DCAF1: variants seen among roughly 807,000 people sequenced by gnomAD.
The protein encoded by DCAF1 is DDB1- and CUL4-associated factor 1.
In DCAF1, 15 loss-of-function variants were observed where a neutral mutation model predicts 128.0. The ratio of observed to expected loss-of-function variants is 0.12; its 90% CI spans 0.08 to 0.18. The LOEUF is 0.18. Ranked by LOEUF, DCAF1 falls within the 10% of genes least tolerant of loss-of-function variation. The pLI, the probability that DCAF1 is intolerant of heterozygous loss-of-function variation, is 1.00. For missense variants in DCAF1, 988 were observed against 1,649.5 expected (o/e 0.60, Z 6.95); for synonymous variants, 610 against 603.0 (o/e 1.01, Z -0.17).
chr3:51,503,623 C>G (rs1291371257), upstream of DCAF1, among the ~76,000 whole-genome samples: 2 of 152,098 alleles, frequency 1.3e-5, no homozygotes, highest in Non-Finnish European at 2.9e-5. Context: ...CAGGAGCCAC[C>G]AATTAGAGGC....
intron 2 of DCAF1, 72 bp from the exon 3 acceptor site, chr3:51,483,908 G>T: frequency 1.9e-6 from 2 of 1,065,900 alleles, no homozygotes; most frequent in Non-Finnish European, 2.9e-6. Context: ...TGAAGAAGGG[G>T]TAGAAAAGGA....
intron 9 of DCAF1, among the ~76,000 whole-genome samples, chr3:51,435,970 AC>A (rs1190524957): frequency 6.6e-6 from 1 of 152,234 alleles, no homozygotes; most frequent in Non-Finnish European, 1.5e-5. Context: ...TGTCAAGATC[AC>A]CGATGTGCAC....
At chr3:51,428,591 A>C (rs1553634714) in intron 12 of DCAF1, among the ~76,000 whole-genome samples, 3 of 152,176 alleles carry the variant, frequency 2.0e-5, no homozygotes, top group African/African-American at 7.2e-5. Context: ...GCTACTCGTC[A>C]TTATCCCAAA....
rs1553653979 is a variant in DCAF1, at chr3:51,483,720, T to C, written c.109A>G (p.Arg37Gly). ...AGGTTTTAAAAAAGTTATTCATACCTGGTAAGGATAGGTACCATGTCCTGC... is the reference window on the plus strand; with the variant it reads ...AGGTTTTAAAAAAGTTATTCATACCCGGTAAGGATAGGTACCATGTCCTGC... ...SGQDMVPILT[R>G]MSQLIEKETE... Residue 37 changes from arginine (R) to glycine (G), a missense_variant and splice_region_variant, in exon 3 of 25, where the codon AGG (arginine) becomes GGG (glycine). Arg to Gly is a moderately radical substitution (Grantham distance 125). Transcript: ENST00000684031. 6.2e-7 allele frequency: 1 copy of C among 1,612,588 alleles called. No homozygotes were observed. The highest frequency in any genetic ancestry group is 8.5e-7 in the Non-Finnish European group (1 of 1,178,920).
At chr3:51,495,775 C>G (rs1289959161) in intron 2 of DCAF1, among the ~76,000 whole-genome samples, 2 of 151,970 alleles carry the variant, frequency 1.3e-5, no homozygotes, top group Non-Finnish European at 2.9e-5. Flanking sequence ...CTTCAATGTT[C>G]GTTTTTTTGT....
At chr3:51,422,120 GT>G (rs1296869175) in intron 14 of DCAF1, among the ~76,000 whole-genome samples, 186 bp downstream of exon 14, 58 of 146,516 alleles carry the variant, frequency 4.0e-4, no homozygotes, top group Non-Finnish European at 2.0e-4. Flanking sequence ...TTGTTTTTTG[GT>G]TTTTTTTTTT....
intron 6 of DCAF1, among the ~76,000 whole-genome samples, chr3:51,459,223 A>C (rs1703269091): frequency 6.6e-6 from 1 of 152,204 alleles, no homozygotes; most frequent in Admixed American, 6.5e-5. Flanking sequence ...GATAAAGGGG[A>C]TATCACAACC....
chr3:51,459,206 A>G (rs1293699597), intron 6 of DCAF1, among the ~76,000 whole-genome samples: 1 of 152,212 alleles, frequency 6.6e-6, no homozygotes, highest in East Asian at 1.9e-4. Flanking sequence ...TAGACACAAT[A>G]AAAAATGATA....
chr3:51,459,220 G>A (rs1376665708), intron 6 of DCAF1, among the ~76,000 whole-genome samples: 1 of 151,998 alleles, frequency 6.6e-6, no homozygotes, highest in Non-Finnish European at 1.5e-5. Context: ...AATGATAAAG[G>A]GGATATCACA....
At chr3:51,412,848 C>T (rs1553628933) in intron 22 of DCAF1, 145 bp downstream of exon 22, 33 of 1,265,638 alleles carry the variant, frequency 2.6e-5, no homozygotes, top group Non-Finnish European at 3.2e-5. Context: ...CTCCCAAGCC[C>T]CATCAAATGA....
intron 18 of DCAF1, among the ~76,000 whole-genome samples, chr3:51,415,500 TA>T (rs1416583769): frequency 6.6e-6 from 1 of 151,992 alleles, no homozygotes; most frequent in Admixed American, 6.6e-5. Context: ...GTCTCAAAAA[TA>T]AATAAATAAA....
At chr3:51,485,543 G>A (rs1363548425) in intron 2 of DCAF1, among the ~76,000 whole-genome samples, 2 of 152,202 alleles carry the variant, frequency 1.3e-5, no homozygotes, top group Non-Finnish European at 2.9e-5. Flanking sequence ...CTTTATAAAA[G>A]TAGCCTTAAA....
At chr3:51,410,945 G>A (rs1698351031) in intron 23 of DCAF1, among the ~76,000 whole-genome samples, 1 of 152,042 alleles carries the variant, frequency 6.6e-6, no homozygotes. Context: ...ATCACCTGAG[G>A]TCAGGAGTTC....
chr3:51,408,709 C>G (rs1698128489), intron 23 of DCAF1, among the ~76,000 whole-genome samples: 1 of 152,124 alleles, frequency 6.6e-6, no homozygotes, highest in South Asian at 2.1e-4. Context: ...CAAAAGAGAC[C>G]TACTCAAATA....
At position 51,419,745 on chromosome 3, in the gene DCAF1, A is replaced by T; in HGVS notation, c.3225T>A (p.Leu1075=). The T allele has an allele frequency of 1.2e-6, 2 of 1,610,270 alleles. No individual in the cohort carries two copies. Among genetic ancestry groups the T allele is most frequent in the Non-Finnish European group, 1.7e-6 (2 of 1,177,582 alleles). ...GVDGGCFDRH[L]IFSRFRPISV... The stretch of plus-strand genomic sequence containing the variant: ...GGGCCTCTTCTTACCTGCTAAAGAT[A>T]AGGTGCCTATCAAAGCATCCGCCAT... Residue 1075 remains leucine, a synonymous_variant, in exon 15 of 25, where the codon CTT becomes CTA. Coordinates refer to ENST00000684031, the MANE Select transcript of DCAF1 (RefSeq NM_001387579.1).
chr3:51,446,385 G>A (rs1255409279), intron 6 of DCAF1, among the ~76,000 whole-genome samples: 3 of 152,180 alleles, frequency 2.0e-5, no homozygotes, highest in Non-Finnish European at 4.4e-5. Context: ...GACCAATGCA[G>A]GAGGATTACT....
chr3:51,422,230 A>G (rs1325779045), intron 14 of DCAF1, 77 bp downstream of exon 14: 2 of 705,844 alleles, frequency 2.8e-6, no homozygotes, highest in Admixed American at 4.1e-5. Flanking sequence ...TAGGTCAGGT[A>G]AGTAACCAAG....
chr3:51,502,775 C>T (rs1708850068), upstream of DCAF1, among the ~76,000 whole-genome samples: 1 of 151,906 alleles, frequency 6.6e-6, no homozygotes, highest in South Asian at 2.1e-4. Flanking sequence ...GCCAACACCT[C>T]CCCCTCCCCA....
Position 51,430,222 on chromosome 3 carries a change from A to T in DCAF1, c.1288-10T>A. 1 of 770,618 alleles carries T rather than the reference A, an allele frequency of 1.3e-6. No homozygotes were observed. Among genetic ancestry groups the T allele is most frequent in the Non-Finnish European group, 2.4e-6 (1 of 411,776 alleles). 47.7% of individuals were successfully genotyped at this position (770,618 alleles called of 1,614,324 possible). A position where few individuals can be genotyped will look rare whatever the true frequency, so the allele number is the denominator to read the frequency against. ...GGGGATGCATGCAAACCTGCAAAAA[A>T]ATACAAATAAAACAATGCTTTTAAA... On this transcript the variant is annotated splice_polypyrimidine_tract_variant and intron_variant, in intron 10 of 24. Transcript: ENST00000684031.
Sources: gnomAD v4.1 joint callset for allele counts (sites outside exome capture counted in the v4.1 genomes callset) on GRCh38, gnomAD v4.1.1 for gene constraint, MANE v1.5 for transcripts, NCBI Gene and HGNC (gene_info 2026-07-23, HGNC 2026-07-21) for gene names.